Variants in PITPNA observed in about 807,000 individuals in gnomAD.
PITPNA encodes the protein phosphatidylinositol transfer protein alpha, also known as phosphatidylinositol transfer protein alpha isoform.
PITPNA carries 13 observed loss-of-function variants against 50.3 expected under a neutral mutation model. The ratio of observed to expected loss-of-function variants is 0.26; its 90% CI spans 0.17 to 0.41. The LOEUF (loss-of-function observed/expected upper bound fraction) is 0.41. Among genes scored for constraint, PITPNA ranks in the 10% least tolerant of loss-of-function variants. The probability of loss-of-function intolerance (pLI) is 1.00; values close to 1 mark genes in which losing one functional copy is unlikely to be tolerated. For missense variants in PITPNA, 207 were observed against 333.4 expected, an observed-to-expected ratio of 0.62 and a Z score of 2.95; for synonymous variants, 120 against 119.6, an observed-to-expected ratio of 1.00 and a Z score of -0.02.
At chr17:1,545,861 C>T (rs1444796571) in intron 4 of PITPNA, among the ~76,000 whole-genome samples, 1 of 149,002 alleles carries the variant, frequency 6.7e-6, no homozygotes, top group South Asian at 2.2e-4. Context: ...TCTTAGACAT[C>T]AAGAAAATCC....
chr17:1,531,536 A>T (rs573761252), intron 10 of PITPNA, among the ~76,000 whole-genome samples: 19 of 152,128 alleles, frequency 1.2e-4, no homozygotes, highest in Non-Finnish European at 1.3e-4. Flanking sequence ...TCTCAGAAAA[A>T]AAATAAATAA....
At position 1,521,639 on chromosome 17, in the gene PITPNA, G is replaced by T. The variant is rs771277681; in HGVS notation, c.775C>A (p.Gln259Lys). The change falls in exon 11 of 12, where the codon CAA (glutamine) becomes AAA (lysine). Residue 259 changes from glutamine (Q) to lysine (K), a missense_variant. Transcript: ENST00000313486. ...GTCATTCCTTTCACTGGGTCCTTTT[G>T]TCTCATCTGGAACAAAAAAAGCAGG... is the stretch of plus-strand genomic sequence containing the variant. ...ETKRQLDEMR[Q>K]KDPVKGMTAD... 1 of 1,613,376 alleles carries T rather than the reference G, an allele frequency of 6.2e-7. No individual in the cohort carries two copies. The highest frequency in any genetic ancestry group is 8.5e-7 in the Non-Finnish European group (1 of 1,179,394).
chr17:1,559,401 G>T (rs1395511304), intron 1 of PITPNA: 2 of 152,270 alleles, frequency 1.3e-5, no homozygotes, highest in Non-Finnish European at 1.5e-5. Context: ...AGGTGCCAGG[G>T]CTAGCAGCAC....
intron 3 of PITPNA, among the ~76,000 whole-genome samples, chr17:1,551,629 C>CGAAA: frequency 6.6e-6 from 1 of 152,318 alleles, no homozygotes; most frequent in East Asian, 1.9e-4. Flanking sequence ...GACCTCGTCT[C>CGAAA]TGTCAGTTTG....
intron 10 of PITPNA, among the ~76,000 whole-genome samples, chr17:1,533,244 G>A (rs2075594867): frequency 6.6e-6 from 1 of 152,212 alleles, no homozygotes; most frequent in African/African-American, 2.4e-5. Context: ...TGCATTTAGA[G>A]GGAGGAGTAC....
intron 1 of PITPNA, chr17:1,559,853 C>G (rs2075759248): frequency 8.9e-6 from 7 of 784,128 alleles, no homozygotes; most frequent in Non-Finnish European, 1.1e-5. Context: ...CAGAGCAACT[C>G]AAACAACATA....
intron 2 of PITPNA, among the ~76,000 whole-genome samples, chr17:1,557,844 C>T (rs946467748): frequency 3.3e-5 from 5 of 152,172 alleles, no homozygotes; most frequent in Admixed American, 2.0e-4. Context: ...AGATTTCCTG[C>T]CCTGCTGGTT....
At position 1,553,389 on chromosome 17, in the gene PITPNA, T is replaced by A. The variant is rs1021352597; in HGVS notation, c.52-240A>T. 6.6e-5 allele frequency among the ~76,000 whole-genome samples: 10 copies of A among 152,220 alleles called. 1 individual carries two copies. Among genetic ancestry groups the A allele is most frequent in the Admixed American group, 3.3e-4 (5 of 15,284 alleles). On this transcript the variant is annotated intron_variant, in intron 2 of 11. Transcript: ENST00000313486. Reference sequence around the variant, plus strand: ...ATCCTTCTCATTTTCACACCACCCATCAGGGTTTATTTTTATTTATTTATT... The same window carrying A: ...ATCCTTCTCATTTTCACACCACCCAACAGGGTTTATTTTTATTTATTTATT...
chr17:1,524,266 C>A (rs62087962), intron 10 of PITPNA, among the ~76,000 whole-genome samples: 4 of 149,448 alleles, frequency 2.7e-5, no homozygotes, highest in South Asian at 2.1e-4. Flanking sequence ...GGATGGTCTC[C>A]ATGTCCTGAC....
intron 2 of PITPNA, among the ~76,000 whole-genome samples, chr17:1,554,227 C>T (rs139958341): frequency 0.014 from 2,145 of 152,076 alleles, 27 homozygotes; most frequent in Non-Finnish European, 0.022. Flanking sequence ...TCTTTCCTAC[C>T]GCTGCCGGTG....
At chr17:1,558,358 AAAGT>A (rs757701783) in intron 2 of PITPNA, among the ~76,000 whole-genome samples, 167 bp downstream of exon 2, 1 of 152,216 alleles carries the variant, frequency 6.6e-6, no homozygotes, top group African/African-American at 2.4e-5. Context: ...CCAGATATAC[AAAGT>A]AAGTGCCATT....
intron 10 of PITPNA, among the ~76,000 whole-genome samples, chr17:1,525,468 A>G (rs1353601077): frequency 2.7e-5 from 4 of 147,052 alleles, no homozygotes; most frequent in African/African-American, 9.9e-5. Context: ...CATTTTGTGG[A>G]GATTCTATCT....
intron 10 of PITPNA, among the ~76,000 whole-genome samples, chr17:1,533,315 A>G (rs112375092): frequency 1.3e-5 from 2 of 152,280 alleles, no homozygotes; most frequent in East Asian, 1.9e-4. Flanking sequence ...TACTCTGACC[A>G]TATCACCTGC....
At chr17:1,525,542 ACTCTGTCG>A (rs1328730143) in intron 10 of PITPNA, among the ~76,000 whole-genome samples, 1 of 122,962 alleles carries the variant, frequency 8.1e-6, no homozygotes, top group East Asian at 2.3e-4. Flanking sequence ...ACAAGGTCTC[ACTCTGTCG>A]CTCTGTCGCC....
chr17:1,561,382 A>C (rs1026676058), intron 1 of PITPNA: 11 of 150,926 alleles, frequency 7.3e-5, no homozygotes, highest in African/African-American at 2.7e-4. Flanking sequence ...CACCCCTTCC[A>C]CCATCTCTCC....
chr17:1,552,212 A>G (rs1300953139), intron 3 of PITPNA, among the ~76,000 whole-genome samples: 1 of 152,252 alleles, frequency 6.6e-6, no homozygotes, highest in Non-Finnish European at 1.5e-5. Context: ...TGTATACTTA[A>G]AAATGGTTAA....
intron 5 of PITPNA, 94 bp downstream of exon 5, chr17:1,542,926 G>A (rs1449827909): frequency 1.0e-6 from 1 of 957,034 alleles, no homozygotes; most frequent in African/African-American, 1.6e-5. Context: ...ATCAGCCAAG[G>A]GAAAGAACAC....
intron 5 of PITPNA, among the ~76,000 whole-genome samples, chr17:1,542,195 C>T (rs529036479): frequency 6.7e-6 from 1 of 149,984 alleles, no homozygotes; most frequent in African/African-American, 2.5e-5. Flanking sequence ...AGCAAGACTC[C>T]GTTTCGAAAA....
chr17:1,525,991 A>G (rs1162601688), intron 10 of PITPNA, among the ~76,000 whole-genome samples: 1 of 152,238 alleles, frequency 6.6e-6, no homozygotes, highest in Non-Finnish European at 1.5e-5. Flanking sequence ...TAGGCACACC[A>G]GCAACCAGAT....
Sources: gnomAD v4.1 joint callset for allele counts (sites outside exome capture counted in the v4.1 genomes callset) on GRCh38, gnomAD v4.1.1 for gene constraint, MANE v1.5 for transcripts, NCBI Gene and HGNC (gene_info 2026-07-23, HGNC 2026-07-21) for gene names.